TAOK3: variants seen among roughly 807,000 people sequenced by gnomAD.
The protein encoded by TAOK3 is serine/threonine-protein kinase TAO3.
Under a neutral mutation model 120.4 loss-of-function variants are expected in TAOK3, and 40 were observed. The ratio of observed to expected loss-of-function variants is 0.33; its 90% confidence interval spans 0.26 to 0.43. The LOEUF is 0.43. Ranked by LOEUF, TAOK3 falls within the 20% of genes least tolerant of loss-of-function variation. The pLI is 1.00. For synonymous variants in TAOK3, 355 were observed against 387.5 expected (o/e 0.92, Z 0.99); for missense variants, 821 against 1,112.1 (o/e 0.74, Z 3.72).
intron 1 of TAOK3, among the ~76,000 whole-genome samples, chr12:118,284,963 T>C (rs2042213697): frequency 6.6e-6 from 1 of 151,864 alleles, no homozygotes; most frequent in Non-Finnish European, 1.5e-5. Flanking sequence ...AAATAAAATT[T>C]AGATTGTTAT....
chr12:118,161,362 C>T lies in TAOK3; in HGVS notation c.2139+426G>A, dbSNP rs2035206928. Among the ~76,000 whole-genome samples the T allele has an allele frequency of 6.6e-6, 1 of 151,938 alleles. No homozygotes were observed. On this transcript the variant is annotated intron_variant, in intron 18 of 20. Coordinates refer to ENST00000392533, the MANE Select transcript of TAOK3 (RefSeq NM_016281.4). The surrounding 1 kb of genome is among the most constrained non-coding windows in gnomAD (Gnocchi z 4.5). ...ATTCATTCCTGATGACCATGACAGA[C>T]ATCACTAATAAATGACACTCTTTCC...
In TAOK3 at chr12:118,168,959, T is replaced by G. The variant is rs563691857; in HGVS notation, c.1899+3498A>C. 2.0e-3 allele frequency among the ~76,000 whole-genome samples: 22 copies of G among 10,892 alleles called. No individual in the cohort carries two copies. In the East Asian group the frequency reaches 0.041, roughly 20 times the overall value. The allele number at this position is 10,892 out of a possible 152,430, so 7.1% of individuals were successfully genotyped here. ...CAGTACTGAATCAGCTTGCTTGCTT[T>G]CCTTCCTTCCTTCCTTCCTTCCTTC... On this transcript the variant is annotated intron_variant, in intron 17 of 20. Coordinates refer to ENST00000392533, the MANE Select transcript of TAOK3 (RefSeq NM_016281.4).
rs572622626 is a variant in TAOK3, at chr12:118,156,639, G to A, written c.2352+3507C>T. 5.3e-4 allele frequency among the ~76,000 whole-genome samples: 80 copies of A among 152,134 alleles called. 1 individual carries two copies. In the South Asian group the frequency reaches 0.016, roughly 30 times the overall value. ...TGTTTCCCAGGCTCTCAGGCTCCCC[G>A]CAGCCAATACATCACCTTTTCCTTC... On this transcript the variant is annotated intron_variant, in intron 19 of 20. Transcript: ENST00000392533.
At chr12:118,260,733 T>A (rs1481498651) in intron 2 of TAOK3, among the ~76,000 whole-genome samples, 1 of 152,186 alleles carries the variant, frequency 6.6e-6, no homozygotes, top group Non-Finnish European at 1.5e-5. Context: ...CAGGCTAGAG[T>A]GCAGTGGTGC....
At chr12:118,351,191 TAA>T (rs922091042) in intron 1 of TAOK3, among the ~76,000 whole-genome samples, 1 of 151,090 alleles carries the variant, frequency 6.6e-6, no homozygotes, top group African/African-American at 2.4e-5. Context: ...GAAAATAAAT[TAA>T]AAAAAAATCT....
intron 1 of TAOK3, among the ~76,000 whole-genome samples, chr12:118,355,365 C>T (rs2045347493): frequency 6.6e-6 from 1 of 152,230 alleles, no homozygotes; most frequent in African/African-American, 2.4e-5. Flanking sequence ...ATCAACACTT[C>T]ACCATGTTGT....
At position 118,317,498 on chromosome 12, in the gene TAOK3, C is replaced by T. The variant is rs536654606; in HGVS notation, c.-193-50739G>A. On this transcript the variant is annotated intron_variant, in intron 1 of 20. Transcript: ENST00000392533. Reference sequence around the variant, plus strand: ...TATTTTTAGTAGAGACGGGTTTCACCGTGTTAGCCAGGATGGTCTCGATCT... The same window carrying T: ...TATTTTTAGTAGAGACGGGTTTCACTGTGTTAGCCAGGATGGTCTCGATCT... Among the ~76,000 whole-genome samples, 555 of 151,856 alleles carry T rather than the reference C, an allele frequency of 3.7e-3. 1 individual carries two copies. The highest frequency in any genetic ancestry group is 0.012 in the African/African-American group (509 of 41,456).
intron 17 of TAOK3, among the ~76,000 whole-genome samples, chr12:118,168,998 TTC>T (rs1565885839): frequency 3.8e-4 from 48 of 127,822 alleles, no homozygotes; most frequent in African/African-American, 1.1e-3. Flanking sequence ...CCTTCCTTCC[TTC>T]CTTTCTTTCT....
intron 15 of TAOK3, among the ~76,000 whole-genome samples, chr12:118,178,194 C>T (rs562134742): frequency 6.6e-5 from 10 of 152,306 alleles, no homozygotes; most frequent in African/African-American, 2.4e-4. Flanking sequence ...TCAAGCTATC[C>T]TCTCTCCTCA....
At chr12:118,299,825 A>AT (rs1188321665) in intron 1 of TAOK3, among the ~76,000 whole-genome samples, 14 of 148,572 alleles carry the variant, frequency 9.4e-5, no homozygotes, top group South Asian at 2.1e-4. Context: ...AGGTTATTTT[A>AT]TTTTTTTTTT....
intron 14 of TAOK3, among the ~76,000 whole-genome samples, chr12:118,182,623 A>ATATATTTTT (rs371125415): frequency 4.3e-5 from 4 of 92,416 alleles, no homozygotes; most frequent in African/African-American, 2.0e-4. Flanking sequence ...ATATATATAT[A>ATATATTTTT]TTTTTTTTTT....
At position 118,348,438 on chromosome 12, in the gene TAOK3, A is replaced by C. The variant is rs956699337; in HGVS notation, c.-194+24210T>G. Among the ~76,000 whole-genome samples, 17 of 151,358 alleles carry C rather than the reference A, an allele frequency of 1.1e-4. 1 individual carries two copies. The highest frequency in any genetic ancestry group is 5.8e-4 in the East Asian group (3 of 5,152). On this transcript the variant is annotated intron_variant, in intron 1 of 20. Coordinates refer to ENST00000392533, the MANE Select transcript of TAOK3 (RefSeq NM_016281.4). ...TAAAGTCTAAGTCTGCTTCTGCCTT[A>C]TTTCTTTCTTTCTTTCTTTTTTTTT...
At chr12:118,203,596 C>CG (rs2038140104) in intron 11 of TAOK3, among the ~76,000 whole-genome samples, 1 of 151,098 alleles carries the variant, frequency 6.6e-6, no homozygotes, top group African/African-American at 2.4e-5. Flanking sequence ...CCCAGCTACT[C>CG]GGGATGCTGA....
At chr12:118,166,875 T>A (rs1733516401) in intron 17 of TAOK3, among the ~76,000 whole-genome samples, 1 of 128,656 alleles carries the variant, frequency 7.8e-6, no homozygotes, top group African/African-American at 2.8e-5. Context: ...CACACACGTA[T>A]AAGCCCTGGA....
intron 1 of TAOK3, among the ~76,000 whole-genome samples, chr12:118,324,395 ACT>A (rs1394727420): frequency 6.6e-6 from 1 of 152,046 alleles, no homozygotes; most frequent in Non-Finnish European, 1.5e-5. Context: ...TTCCAATTCC[ACT>A]CTCTTTTAAT....
At chr12:118,322,729 T>C (rs1443804262) in intron 1 of TAOK3, among the ~76,000 whole-genome samples, 1 of 135,624 alleles carries the variant, frequency 7.4e-6, no homozygotes, top group Non-Finnish European at 1.5e-5. Flanking sequence ...TTTTTTTTTT[T>C]TTTTTTTTTT....
chr12:118,288,475 G>A lies in TAOK3; in HGVS notation c.-193-21716C>T, dbSNP rs1289623372. On this transcript the variant is annotated intron_variant, in intron 1 of 20. Transcript: ENST00000392533. ...GGTTAAGATCTGTAAGCCAGGAAGA[G>A]AGCCCACACCAGAAGCTGAATTGGC... Among the ~76,000 whole-genome samples, 5 of 152,282 alleles carry A rather than the reference G, an allele frequency of 3.3e-5. No homozygotes were observed. The South Asian group carries it at 1.0e-3, about 32-fold the overall frequency.
intron 13 of TAOK3, chr12:118,190,567 T>A (rs1052334924): frequency 2.6e-5 from 4 of 152,004 alleles, no homozygotes; most frequent in African/African-American, 9.7e-5. Flanking sequence ...CTGAAAGGAT[T>A]TTTTTTTAGA....
chr12:118,172,430 G>T, intron 17 of TAOK3, 27 bp downstream of exon 17: 2 of 1,608,346 alleles, frequency 1.2e-6, no homozygotes, highest in South Asian at 2.2e-5. Flanking sequence ...CTATGTCAAT[G>T]ACAATAGTTA....
Sources: allele counts gnomAD v4.1 joint callset (sites outside exome capture counted in the v4.1 genomes callset), GRCh38; gene constraint gnomAD v4.1.1; non-coding constraint Gnocchi (gnomAD v3.1); transcripts MANE v1.5; gene names NCBI Gene and HGNC (gene_info 2026-07-23, HGNC 2026-07-21).